Variants in ENOX1 observed in about 807,000 individuals in gnomAD.
ENOX1 encodes the protein ecto-NOX disulfide-thiol exchanger 1.
ENOX1 carries 42 observed loss-of-function variants against 82.5 expected under a neutral mutation model. That is an observed-to-expected ratio of 0.51 (90% confidence interval 0.40 to 0.66). ENOX1 has a LOEUF of 0.66. Among genes scored for constraint, ENOX1 ranks in the 30% least tolerant of loss-of-function variants. The pLI, the probability that ENOX1 is intolerant of heterozygous loss-of-function variation, is 0.00. For missense variants in ENOX1, 608 were observed against 811.6 expected, an observed-to-expected ratio of 0.75 and a Z score of 3.05; for synonymous variants, 271 against 282.2, an observed-to-expected ratio of 0.96 and a Z score of 0.40.
chr13:43,593,013 T>C (rs1012838070), intron 2 of ENOX1, among the ~76,000 whole-genome samples: 7 of 152,242 alleles, frequency 4.6e-5, no homozygotes, highest in African/African-American at 9.6e-5. Flanking sequence ...CGTTAGTTAT[T>C]CAGCAGCAAC....
chr13:43,548,949 AC>A (rs947793901), intron 2 of ENOX1, among the ~76,000 whole-genome samples: 1 of 152,172 alleles, frequency 6.6e-6, no homozygotes, highest in African/African-American at 2.4e-5. Flanking sequence ...TTTAAAAAAA[AC>A]AACCAAAAAA....
At chr13:43,341,970 C>T (rs1204592444) in intron 9 of ENOX1, among the ~76,000 whole-genome samples, 2 of 152,178 alleles carry the variant, frequency 1.3e-5, no homozygotes, top group Non-Finnish European at 2.9e-5. Context: ...GTCTTTCCTT[C>T]TCTTTTCTTA....
chr13:43,467,755 A>G (rs992639920), intron 3 of ENOX1, among the ~76,000 whole-genome samples: 2 of 152,178 alleles, frequency 1.3e-5, no homozygotes, highest in African/African-American at 4.8e-5. Flanking sequence ...ATAAAGATTT[A>G]TACCTATGTT....
At chr13:43,218,940 C>G (rs1314972078) in intron 16 of ENOX1, among the ~76,000 whole-genome samples, 1 of 152,184 alleles carries the variant, frequency 6.6e-6, no homozygotes, top group Non-Finnish European at 1.5e-5. Context: ...CTATTATCAT[C>G]TTGCCATCAC....
chr13:43,665,356 G>A (rs1482386619), intron 2 of ENOX1, among the ~76,000 whole-genome samples: 1 of 152,154 alleles, frequency 6.6e-6, no homozygotes, highest in Admixed American at 6.6e-5. Context: ...CTTGAGACCA[G>A]TATCCTAATA....
chr13:43,309,052 C>T (rs1355405512), intron 11 of ENOX1, among the ~76,000 whole-genome samples: 2 of 148,598 alleles, frequency 1.3e-5, no homozygotes, highest in Admixed American at 6.7e-5. Flanking sequence ...TTTCCAGAGT[C>T]TCGCTGTCAC....
chr13:43,299,255 T>C (rs1204092129), intron 11 of ENOX1, among the ~76,000 whole-genome samples: 2 of 152,162 alleles, frequency 1.3e-5, no homozygotes, highest in Non-Finnish European at 2.9e-5. Context: ...ACTCAGGGTC[T>C]CACACATCTC....
At chr13:43,561,313 G>C (rs1039927727) in intron 2 of ENOX1, among the ~76,000 whole-genome samples, 1 of 152,150 alleles carries the variant, frequency 6.6e-6, no homozygotes, top group African/African-American at 2.4e-5. Context: ...TACTTGTGCA[G>C]ATAGAGAGGC....
intron 2 of ENOX1, among the ~76,000 whole-genome samples, chr13:43,627,408 T>C (rs2083012538): frequency 6.6e-6 from 1 of 152,052 alleles, no homozygotes; most frequent in Admixed American, 6.5e-5. Flanking sequence ...GTGTTTTAAA[T>C]GTATTTCTTA....
At chr13:43,288,719 T>C (rs17538591) in intron 12 of ENOX1, among the ~76,000 whole-genome samples, 13,940 of 152,228 alleles carry the variant, frequency 0.092, 867 homozygotes, top group Non-Finnish European at 0.14. Context: ...TTCCTTCTAA[T>C]TGAACATTTT....
In ENOX1 at chr13:43,786,504, A is replaced by C. The variant is rs2153861891; in HGVS notation, c.-285+148T>G. 1 of 152,286 alleles carries C rather than the reference A, an allele frequency of 6.6e-6. No individual in the cohort carries two copies. Among genetic ancestry groups the C allele is most frequent in the African/African-American group, 2.4e-5 (1 of 41,406 alleles). The allele number at this position is 152,286 out of a possible 1,614,324, so 9.4% of individuals were successfully genotyped here. A position where few individuals can be genotyped will look rare whatever the true frequency, so the allele number is the denominator to read the frequency against. The stretch of plus-strand genomic sequence containing the variant: ...CCCACGCGTCCACGCACCCCTCCTC[A>C]CCAGCCTCACCTCTAGCTCCACTCC... On this transcript the variant is annotated intron_variant, in intron 1 of 16. Coordinates refer to ENST00000690772, the MANE Select transcript of ENOX1 (RefSeq NM_001347969.2). The surrounding 1 kb of genome is among the most constrained non-coding windows in gnomAD (Gnocchi z 6.0).
In ENOX1 at chr13:43,361,415, G is replaced by A. The variant is rs568943500; in HGVS notation, c.246C>T (p.Asn82=). Residue 82 remains asparagine, a synonymous_variant, in exon 6 of 17, where the codon AAC becomes AAT. Coordinates refer to ENST00000690772, the MANE Select transcript of ENOX1 (RefSeq NM_001347969.2). ...TAATGGGGGTGATTCCAGTCATCAT[G>A]TTGAGGCTTGGATCAAAGCCTGGGA... ...ICVPGFDPSL[N]MMTGITPINP... The A allele has an allele frequency of 1.9e-6, 3 of 1,613,134 alleles. No homozygotes were observed. The highest frequency in any genetic ancestry group is 1.7e-5 in the Admixed American group (1 of 59,762).
chr13:43,764,583 C>T (rs1951164841), intron 1 of ENOX1, among the ~76,000 whole-genome samples: 1 of 151,604 alleles, frequency 6.6e-6, no homozygotes, highest in South Asian at 2.1e-4. Flanking sequence ...TAAAGAGCAA[C>T]TTTAGAAGAT....
At chr13:43,719,705 A>G (rs866014922) in intron 1 of ENOX1, among the ~76,000 whole-genome samples, 1 of 152,120 alleles carries the variant, frequency 6.6e-6, no homozygotes, top group Non-Finnish European at 1.5e-5. Context: ...GCAATGGAGC[A>G]CCAGAACCCT....
chr13:43,680,182 G>T (rs1021213764), intron 1 of ENOX1, among the ~76,000 whole-genome samples: 1 of 152,244 alleles, frequency 6.6e-6, no homozygotes, highest in Admixed American at 6.5e-5. Flanking sequence ...ATACAGAAAT[G>T]AAATCCAACT....
intron 1 of ENOX1, among the ~76,000 whole-genome samples, chr13:43,677,668 C>A (rs1309876703): frequency 2.0e-5 from 3 of 152,122 alleles, no homozygotes; most frequent in Admixed American, 6.5e-5. Flanking sequence ...CTATAACTTT[C>A]TTTGCAAAGC....
At chr13:43,550,863 T>C (rs1381946425) in intron 2 of ENOX1, among the ~76,000 whole-genome samples, 2 of 152,210 alleles carry the variant, frequency 1.3e-5, no homozygotes, top group Non-Finnish European at 2.9e-5. Flanking sequence ...GACATTACGA[T>C]AGCAATTTAG....
chr13:43,677,304 G>A (rs2085555468), intron 1 of ENOX1, among the ~76,000 whole-genome samples: 1 of 152,124 alleles, frequency 6.6e-6, no homozygotes, highest in Non-Finnish European at 1.5e-5. Flanking sequence ...ATGGGAGGCA[G>A]GGAGAGCAAA....
intron 1 of ENOX1, among the ~76,000 whole-genome samples, chr13:43,690,263 A>G (rs1328824022): frequency 3.3e-5 from 5 of 151,596 alleles, no homozygotes; most frequent in Non-Finnish European, 7.4e-5. Flanking sequence ...TAAGTTAAAA[A>G]AAAAAAAAAA....
Sources: allele counts gnomAD v4.1 joint callset (sites outside exome capture counted in the v4.1 genomes callset), GRCh38; gene constraint gnomAD v4.1.1; non-coding constraint Gnocchi (gnomAD v3.1); transcripts MANE v1.5; gene names NCBI Gene and HGNC (gene_info 2026-07-23, HGNC 2026-07-21).